The following TFB1M variants were observed in gnomAD, a reference collection of about 807,000 sequenced individuals.
The protein encoded by TFB1M is dimethyladenosine transferase 1, mitochondrial.
A neutral mutation model predicts 31.1 loss-of-function variants in TFB1M; 27 were observed. The observed-to-expected ratio is 0.87, with a 90% CI of 0.64 to 1.20. The LOEUF is 1.20. Ranked by LOEUF, TFB1M falls within the 50% of genes most tolerant of loss-of-function variation. TFB1M has a pLI of 0.00. For synonymous variants in TFB1M, 166 were observed against 151.8 expected, an observed-to-expected ratio of 1.09 and a Z score of -0.69; for missense variants, 394 against 418.7, an observed-to-expected ratio of 0.94 and a Z score of 0.51.
chr6:155,302,024 A>C (rs1388396384), intron 2 of TFB1M, among the ~76,000 whole-genome samples: 1 of 152,178 alleles, frequency 6.6e-6, no homozygotes, highest in Non-Finnish European at 1.5e-5. Flanking sequence ...TTCTCTAACC[A>C]AAGTCTTAGT....
At chr6:155,271,991 T>C (rs1185172261) in intron 5 of TFB1M, among the ~76,000 whole-genome samples, 1 of 152,240 alleles carries the variant, frequency 6.6e-6, no homozygotes, top group African/African-American at 2.4e-5. Context: ...ATTTATCTTC[T>C]AACACCATCA....
chr6:155,260,899 G>A (rs1784367279), intron 5 of TFB1M: 1 of 212,672 alleles, frequency 4.7e-6, no homozygotes, highest in Admixed American at 5.3e-5. Context: ...CTGAATTCAT[G>A]AGTGTAGTCT....
intron 1 of TFB1M, among the ~76,000 whole-genome samples, chr6:155,312,693 C>A (rs1778065517): frequency 6.6e-6 from 1 of 152,086 alleles, no homozygotes; most frequent in African/African-American, 2.4e-5. Context: ...GTACCCTCAT[C>A]TCCGTTAACT....
In TFB1M at chr6:155,314,300, C is replaced by G; in HGVS notation, c.129G>C (p.Leu43=). Residue 43 remains leucine (L), a synonymous_variant, in exon 1 of 7, where the codon CTG becomes CTC. Coordinates refer to ENST00000367166, the MANE Select transcript of TFB1M (RefSeq NM_016020.4). ...LSQNFLLDLR[L]TDKIVRKAGN... is the part of the protein sequence containing the mutation. ...GAGCACTGCTAAGCCATCCACCTGTCAGCCTCAAGTCCAGGAGGAAATTCT... is the reference window on the plus strand; with the variant it reads ...GAGCACTGCTAAGCCATCCACCTGTGAGCCTCAAGTCCAGGAGGAAATTCT... 6.2e-7 allele frequency: 1 copy of G among 1,613,970 alleles called. No homozygotes were observed. The highest frequency in any genetic ancestry group is 1.1e-5 in the South Asian group (1 of 91,008).
intron 5 of TFB1M, among the ~76,000 whole-genome samples, chr6:155,261,253 G>C (rs573204975): frequency 6.6e-6 from 1 of 152,158 alleles, no homozygotes; most frequent in Admixed American, 6.5e-5. Flanking sequence ...GGGAAGTCTC[G>C]TCATAATTGA....
At chr6:155,240,235 G>A in the TFB1M span, among the ~76,000 whole-genome samples, 1 of 152,248 alleles carries the variant, frequency 6.6e-6, no homozygotes, top group Non-Finnish European at 1.5e-5. Flanking sequence ...ACTGCAGAGG[G>A]TTAGCCCTAG....
chr6:155,261,901 G>A (rs1784409845), intron 5 of TFB1M, among the ~76,000 whole-genome samples: 1 of 152,216 alleles, frequency 6.6e-6, no homozygotes, highest in Non-Finnish European at 1.5e-5. Context: ...AGATTCTATG[G>A]TGGAACAGTA....
the TFB1M span, among the ~76,000 whole-genome samples, chr6:155,247,208 G>A: frequency 6.6e-6 from 1 of 152,224 alleles, no homozygotes; most frequent in Non-Finnish European, 1.5e-5. Context: ...ACCCTTAAGT[G>A]TACAGAATAC....
the TFB1M span, among the ~76,000 whole-genome samples, chr6:155,236,638 G>C: frequency 6.6e-6 from 1 of 152,298 alleles, no homozygotes; most frequent in Middle Eastern, 3.4e-3. Flanking sequence ...ACTCCAGCCT[G>C]GGTGACAGAG....
the TFB1M span, chr6:155,245,754 A>ATTTTTTTTTT: frequency 1.8e-6 from 1 of 562,922 alleles, no homozygotes; most frequent in Non-Finnish European, 2.5e-6. Context: ...TGCCTTTTAT[A>ATTTTTTTTTT]GTTTTTTTTT....
the TFB1M span, chr6:155,240,479 A>G: frequency 6.5e-7 from 1 of 1,538,800 alleles, no homozygotes; most frequent in Non-Finnish European, 8.8e-7. Context: ...GGCAGCGGAT[A>G]CTATCAGGGA....
chr6:155,290,383 G>A (rs1197830473), intron 4 of TFB1M, among the ~76,000 whole-genome samples: 4 of 90,536 alleles, frequency 4.4e-5, no homozygotes, highest in Non-Finnish European at 6.5e-5. Flanking sequence ...GGCGAGACTC[G>A]GCCTCAAAAA....
intron 4 of TFB1M, among the ~76,000 whole-genome samples, chr6:155,287,578 G>GTGTGTGTGTGTA (rs1776723344): frequency 6.7e-6 from 1 of 148,268 alleles, no homozygotes; most frequent in African/African-American, 2.4e-5. Context: ...GTGTGTGTAT[G>GTGTGTGTGTGTA]TGTGTGTGGT....
At chr6:155,250,640 T>C in the TFB1M span, 1 of 1,535,348 alleles carries the variant, frequency 6.5e-7, no homozygotes. Context: ...GTTCATCTTA[T>C]GGAAACTGAG....
intron 5 of TFB1M, among the ~76,000 whole-genome samples, chr6:155,269,113 G>T (rs371424105): frequency 2.0e-5 from 3 of 151,686 alleles, no homozygotes; most frequent in East Asian, 3.9e-4. Flanking sequence ...AGATTTCTGG[G>T]TTAATTTGTT....
the TFB1M span, among the ~76,000 whole-genome samples, chr6:155,239,909 A>G: frequency 6.6e-6 from 1 of 152,178 alleles, no homozygotes; most frequent in South Asian, 2.1e-4. Flanking sequence ...GGGTGTTACC[A>G]TCTTCATCTG....
chr6:155,260,874 G>A (rs1784365116), intron 5 of TFB1M: 3 of 252,334 alleles, frequency 1.2e-5, no homozygotes, highest in Admixed American at 5.1e-5. Context: ...GGTAGACACT[G>A]ATTAATCAGC....
chr6:155,297,736 A>G (rs927329407), intron 3 of TFB1M, among the ~76,000 whole-genome samples: 1 of 152,260 alleles, frequency 6.6e-6, no homozygotes, highest in African/African-American at 2.4e-5. Context: ...TTACAGTTAA[A>G]TGAATTTGGG....
At chr6:155,235,219 C>T in the TFB1M span, among the ~76,000 whole-genome samples, 2 of 152,186 alleles carry the variant, frequency 1.3e-5, no homozygotes, top group African/African-American at 4.8e-5. Flanking sequence ...AGCAGCTGCT[C>T]GGCAAACACG....
Sources: allele counts gnomAD v4.1 joint callset (sites outside exome capture counted in the v4.1 genomes callset), GRCh38; gene constraint gnomAD v4.1.1; transcripts MANE v1.5; gene names NCBI Gene and HGNC (gene_info 2026-07-23, HGNC 2026-07-21).